The following RUSF1 variants were observed in gnomAD, a reference collection of about 807,000 sequenced individuals.
The protein encoded by RUSF1 is RUS family member 1.
In RUSF1, 58 loss-of-function variants were observed where a neutral mutation model predicts 63.0. That is an observed-to-expected ratio of 0.92 (90% CI 0.75 to 1.15). The LOEUF (loss-of-function observed/expected upper bound fraction) is 1.15. Among genes scored for constraint, RUSF1 ranks in the 50% most tolerant of loss-of-function variants. RUSF1 has a pLI of 0.00. For missense variants in RUSF1, 652 were observed against 611.0 expected (o/e 1.07, Z -0.71); for synonymous variants, 274 against 255.8 (o/e 1.07, Z -0.68).
intron 2 of RUSF1, among the ~76,000 whole-genome samples, chr16:31,503,688 G>C (rs1197330445): frequency 6.6e-6 from 1 of 151,972 alleles, no homozygotes; most frequent in African/African-American, 2.4e-5. Flanking sequence ...TTTTTAGATG[G>C]AGTTTCACTC....
chr16:31,494,733 C>T (rs1029080218), intron 6 of RUSF1, among the ~76,000 whole-genome samples: 3 of 150,556 alleles, frequency 2.0e-5, no homozygotes, highest in Admixed American at 1.3e-4. Flanking sequence ...TTTTAAAGAG[C>T]GAGGGTCTCG....
At chr16:31,491,514 AC>A (rs1052252541) in intron 12 of RUSF1, among the ~76,000 whole-genome samples, 2 of 151,126 alleles carry the variant, frequency 1.3e-5, no homozygotes, top group Non-Finnish European at 2.9e-5. Context: ...ACAGGGTTTC[AC>A]CATGTTGCCC....
chr16:31,497,549 C>T lies in RUSF1; in HGVS notation c.601-599G>A, dbSNP rs116549193. Among the ~76,000 whole-genome samples the T allele has an allele frequency of 6.4e-3, 974 of 151,142 alleles. 16 individuals carry two copies. The highest frequency in any genetic ancestry group is 0.022 in the African/African-American group (929 of 41,508). Reference sequence around the variant, plus strand: ...ACAGAGTCTCCCTGTGTTGCCCAGGCGGGCCTGGAACTCCTGGGCTCAAGA... The same window carrying T: ...ACAGAGTCTCCCTGTGTTGCCCAGGTGGGCCTGGAACTCCTGGGCTCAAGA... On this transcript the variant is annotated intron_variant, in intron 5 of 12. Coordinates refer to ENST00000327237, the MANE Select transcript of RUSF1 (RefSeq NM_022744.4).
intron 3 of RUSF1, 76 bp from the exon 4 acceptor site, chr16:31,499,601 A>T: frequency 7.1e-7 from 1 of 1,407,758 alleles, no homozygotes; most frequent in Non-Finnish European, 9.6e-7. Context: ...GGAGTCTTGG[A>T]CCACAGTAAA....
At chr16:31,501,710 G>A (rs2082633911) in intron 2 of RUSF1, among the ~76,000 whole-genome samples, 1 of 152,012 alleles carries the variant, frequency 6.6e-6, no homozygotes, top group Non-Finnish European at 1.5e-5. Flanking sequence ...ACCTTCGTTT[G>A]CACAACAAAT....
chr16:31,508,245 C>G lies in RUSF1; in HGVS notation c.129G>C (p.Gly43=), dbSNP rs1356075336. ...GTTTGACCGTGAAGGCCCTGGAGAG[C>G]CCCCACCAGCGCCAGCCCCCGACCT... ...QWEVGGWRWW[G]LSRAFTVKPE... The change falls in exon 1 of 13, where the codon GGG becomes GGC. Residue 43 remains glycine (G), a synonymous_variant. Coordinates refer to ENST00000327237, the MANE Select transcript of RUSF1 (RefSeq NM_022744.4). The G allele has an allele frequency of 1.3e-6, 2 of 1,563,552 alleles. No homozygotes were observed. The highest frequency in any genetic ancestry group is 1.2e-5 in the South Asian group (1 of 85,394).
Position 31,490,059 on chromosome 16 carries a change from G to T in RUSF1, c.*776C>A, listed in dbSNP as rs1268728087. ...TGCAAGAGACTTTAGGGCCAGGCAT[G>T]GGGGGACAGAACTCCCACCTCGTTC... is the stretch of plus-strand genomic sequence containing the variant. On this transcript the variant is annotated 3_prime_UTR_variant, in exon 13 of 13. Transcript: ENST00000327237. The T allele has an allele frequency of 5.0e-6, 8 of 1,611,226 alleles. No homozygotes were observed. The highest frequency in any genetic ancestry group is 2.0e-4 in the Middle Eastern group (1 of 5,050).
intron 5 of RUSF1, 140 bp downstream of exon 5, chr16:31,499,162 A>G (rs568326842): frequency 4.6e-5 from 36 of 775,846 alleles, no homozygotes; most frequent in Non-Finnish European, 7.1e-5. Context: ...GAGGGTCAGA[A>G]AGGATGGTTG....
In RUSF1 at chr16:31,493,652, T is replaced by C. The variant is rs1051481703; in HGVS notation, c.909A>G (p.Gly303=). ...RLVLKHYLQR[G]EVLDPTAANR... ...TGGCTGCAGTTGGGTCGAGTACCTCTCCCCTCTGAAGGTAGTGCTTCAGGA... is the reference window on the plus strand; with the variant it reads ...TGGCTGCAGTTGGGTCGAGTACCTCCCCCCTCTGAAGGTAGTGCTTCAGGA... Residue 303 remains glycine, a synonymous_variant, in exon 8 of 13, where the codon GGA becomes GGG. Coordinates refer to ENST00000327237, the MANE Select transcript of RUSF1 (RefSeq NM_022744.4). The C allele has an allele frequency of 6.2e-7, 1 of 1,614,138 alleles. No individual in the cohort carries two copies. The highest frequency in any genetic ancestry group is 8.5e-7 in the Non-Finnish European group (1 of 1,180,020).
intron 12 of RUSF1, among the ~76,000 whole-genome samples, chr16:31,491,201 T>C (rs1309875190): frequency 2.0e-5 from 3 of 152,190 alleles, no homozygotes; most frequent in Non-Finnish European, 4.4e-5. Context: ...ATTTCCTACA[T>C]GCCAACTGGG....
At chr16:31,494,606 A>T (rs1340772568) in intron 6 of RUSF1, among the ~76,000 whole-genome samples, 13 of 152,122 alleles carry the variant, frequency 8.5e-5, no homozygotes, top group South Asian at 2.1e-4. Flanking sequence ...ACATATGTGT[A>T]TCAGTTGCTT....
In RUSF1 at chr16:31,496,644, GC is replaced by G. The variant is rs144559765; in HGVS notation, c.702+204del. Among the ~76,000 whole-genome samples, 1,242 of 152,304 alleles carry G rather than the reference GC, an allele frequency of 8.2e-3. 19 individuals are homozygous for G. Among genetic ancestry groups the G allele is most frequent in the African/African-American group, 0.028 (1,182 of 41,550 alleles). ...GGGCAAGGCTGAGGGCTTGCTCTCAGCCACACAGGTGGCGGGCAGGGCCTGA... is the reference window on the plus strand; with the variant it reads ...GGGCAAGGCTGAGGGCTTGCTCTCAGCACACAGGTGGCGGGCAGGGCCTGA... On this transcript the variant is annotated intron_variant, in intron 6 of 12. Transcript: ENST00000327237.
In RUSF1 at chr16:31,500,726, T is replaced by A; in HGVS notation, c.421A>T (p.Thr141Ser). 1 of 1,611,772 alleles carries A rather than the reference T, an allele frequency of 6.2e-7. No individual in the cohort carries two copies. Reference protein sequence around the residue: ...ATATWLVKDSTGMLGRIVFAW... With the variant: ...ATATWLVKDSSGMLGRIVFAW... ...AAGACGATGCGGCCCAGCATGCCAGTTGAATCTGGGGGAAAGAAGGCACAG... is the reference window on the plus strand; with the variant it reads ...AAGACGATGCGGCCCAGCATGCCAGATGAATCTGGGGGAAAGAAGGCACAG... The change falls in exon 3 of 13, where the codon ACT becomes TCT. Residue 141 changes from threonine to serine, a missense_variant. Transcript: ENST00000327237.
chr16:31,490,835 T>C lies in RUSF1; in HGVS notation c.1407A>G (p.Ter469TrpextTer101). 2 of 1,614,146 alleles carry C rather than the reference T, an allele frequency of 1.2e-6. No homozygotes were observed. The highest frequency in any genetic ancestry group is 1.7e-6 in the Non-Finnish European group (2 of 1,179,992). Reference sequence around the variant, plus strand: ...GGGCTTGGGCCTCCGTCTGGGCTGCTCACAAGACCTTCTTTTCGGGAGACA... The same window carrying C: ...GGGCTTGGGCCTCCGTCTGGGCTGCCCACAAGACCTTCTTTTCGGGAGACA... ...WLLSPEKKVL[*>W] The change falls in exon 13 of 13, where the codon TGA becomes TGG. Residue 469 changes from the stop codon to tryptophan (W), a stop_lost. Transcript: ENST00000327237.
At chr16:31,495,747 G>C (rs754873513) in intron 6 of RUSF1, among the ~76,000 whole-genome samples, 2 of 152,106 alleles carry the variant, frequency 1.3e-5, no homozygotes, top group Admixed American at 1.3e-4. Flanking sequence ...TTCCCCAGGG[G>C]CCCCCAGGGA....
intron 6 of RUSF1, 144 bp downstream of exon 6, chr16:31,496,704 AC>A (rs2082604914): frequency 2.8e-6 from 2 of 708,486 alleles, no homozygotes; most frequent in East Asian, 6.0e-5. Flanking sequence ...CAGAGCCCAA[AC>A]CCCTACTCCT....
intron 2 of RUSF1, among the ~76,000 whole-genome samples, chr16:31,506,713 G>A (rs2082660822): frequency 1.3e-5 from 2 of 152,206 alleles, no homozygotes; most frequent in Admixed American, 1.3e-4. Context: ...AACCCGGGAG[G>A]AGGAGGCTGC....
rs368071047 is a variant in RUSF1, at chr16:31,490,468, G to T, written c.*367C>A. 1 of 1,613,952 alleles carries T rather than the reference G, an allele frequency of 6.2e-7. No individual in the cohort carries two copies. Among genetic ancestry groups the T allele is most frequent in the Admixed American group, 1.7e-5 (1 of 60,008 alleles). On this transcript the variant is annotated 3_prime_UTR_variant, in exon 13 of 13. Coordinates refer to ENST00000327237, the MANE Select transcript of RUSF1 (RefSeq NM_022744.4). ...ATCAGCGAGGACCCGAGCTGGGCCCGTGTGGTCAACCTCAATGCCCTGCTC... is the reference window on the plus strand; with the variant it reads ...ATCAGCGAGGACCCGAGCTGGGCCCTTGTGGTCAACCTCAATGCCCTGCTC...
intron 2 of RUSF1, among the ~76,000 whole-genome samples, chr16:31,503,771 T>TC (rs2082643829): frequency 6.6e-6 from 1 of 152,332 alleles, no homozygotes; most frequent in African/African-American, 2.4e-5. Flanking sequence ...CAAGTGATTC[T>TC]CCTACCTCAG....
Sources: gnomAD v4.1 joint callset for allele counts (sites outside exome capture counted in the v4.1 genomes callset) on GRCh38, gnomAD v4.1.1 for gene constraint, MANE v1.5 for transcripts, NCBI Gene and HGNC (gene_info 2026-07-23, HGNC 2026-07-21) for gene names.